Variants in PDHX observed in about 807,000 individuals in gnomAD.
PDHX encodes pyruvate dehydrogenase protein X component, mitochondrial.
Under a neutral mutation model 55.3 loss-of-function variants are expected in PDHX, and 33 were observed. The observed-to-expected ratio is 0.60, with a 90% confidence interval of 0.45 to 0.80. The LOEUF (loss-of-function observed/expected upper bound fraction) is 0.80, where lower values mean the gene tolerates loss of function less well. Ranked by LOEUF, PDHX falls within the 30% of genes least tolerant of loss-of-function variation. PDHX has a pLI of 0.00. For synonymous variants in PDHX, 226 were observed against 219.4 expected (o/e 1.03, Z -0.27); for missense variants, 622 against 619.9 (o/e 1.00, Z -0.04).
intron 3 of PDHX, among the ~76,000 whole-genome samples, chr11:34,951,374 T>C (rs1854765435): frequency 6.6e-6 from 1 of 152,170 alleles, no homozygotes; most frequent in African/African-American, 2.4e-5. Context: ...CCTGACTTTT[T>C]AATGATCGCC....
At chr11:34,932,649 A>C (rs1452721810) in intron 2 of PDHX, among the ~76,000 whole-genome samples, 2 of 152,212 alleles carry the variant, frequency 1.3e-5, no homozygotes, top group African/African-American at 2.4e-5. Context: ...GAAATGCTAA[A>C]TGGTGTAAAT....
intron 3 of PDHX, among the ~76,000 whole-genome samples, chr11:34,950,410 A>G (rs1182918849): frequency 6.6e-6 from 1 of 150,614 alleles, no homozygotes; most frequent in Non-Finnish European, 1.5e-5. Context: ...GTTTTATGGT[A>G]CATGTGCACA....
chr11:34,941,292 C>T (rs976322463), intron 2 of PDHX, among the ~76,000 whole-genome samples: 3 of 152,146 alleles, frequency 2.0e-5, no homozygotes, highest in African/African-American at 7.2e-5. Context: ...CTCTACATTC[C>T]CATTCTGCTG....
intron 9 of PDHX, among the ~76,000 whole-genome samples, chr11:34,991,918 A>C (rs935148042): frequency 7.3e-5 from 11 of 151,534 alleles, no homozygotes; most frequent in Non-Finnish European, 1.3e-4. Flanking sequence ...AAAAAAAAAA[A>C]AAAAAAAAAA....
At chr11:34,978,941 G>A (rs75229690) in intron 8 of PDHX, among the ~76,000 whole-genome samples, 1,574 of 152,230 alleles carry the variant, frequency 0.01, 26 homozygotes, top group African/African-American at 0.036. Flanking sequence ...AGGAGAGGCT[G>A]CCCTGGGTGC....
chr11:34,981,130 C>G (rs555017799), intron 8 of PDHX, among the ~76,000 whole-genome samples: 2 of 152,180 alleles, frequency 1.3e-5, no homozygotes, highest in African/African-American at 4.8e-5. Flanking sequence ...GGTATATCTC[C>G]AAATGCTGTC....
At chr11:34,922,665 A>AG (rs1853914106) in intron 1 of PDHX, among the ~76,000 whole-genome samples, 1 of 152,026 alleles carries the variant, frequency 6.6e-6, no homozygotes, top group Admixed American at 6.6e-5. Context: ...GTGACAGCCT[A>AG]TCATTTTAGA....
chr11:34,959,367 G>A (rs1435026218), intron 4 of PDHX, among the ~76,000 whole-genome samples: 1 of 151,066 alleles, frequency 6.6e-6, no homozygotes, highest in African/African-American at 2.4e-5. Flanking sequence ...ACCACAATGA[G>A]ACACCCCTTC....
At chr11:34,980,857 C>A (rs1291385670) in intron 8 of PDHX, among the ~76,000 whole-genome samples, 2 of 152,058 alleles carry the variant, frequency 1.3e-5, no homozygotes, top group Non-Finnish European at 2.9e-5. Context: ...AGGCCTGGAT[C>A]TTTTTCTTTA....
chr11:34,936,805 TC>T (rs869139560), intron 2 of PDHX, among the ~76,000 whole-genome samples: 97 of 127,822 alleles, frequency 7.6e-4, no homozygotes, highest in Non-Finnish European at 1.2e-3. Context: ...TTTTTTTTTT[TC>T]TGAGACAGAG....
At chr11:34,957,672 C>T (rs552261307) in intron 4 of PDHX, 89 bp downstream of exon 4, 73 of 1,026,464 alleles carry the variant, frequency 7.1e-5, no homozygotes, top group Non-Finnish European at 9.9e-5. Flanking sequence ...ATTCGCACAT[C>T]GTTGTACATC....
chr11:34,927,937 T>C (rs1854062047), intron 1 of PDHX, among the ~76,000 whole-genome samples: 1 of 152,150 alleles, frequency 6.6e-6, no homozygotes, highest in African/African-American at 2.4e-5. Flanking sequence ...TCAATTCATT[T>C]CATGAAGGGT....
chr11:34,935,665 T>G (rs1013861064), intron 2 of PDHX, among the ~76,000 whole-genome samples: 2 of 152,124 alleles, frequency 1.3e-5, no homozygotes, highest in African/African-American at 4.8e-5. Flanking sequence ...ACAGTACCTA[T>G]TAGGGATTGT....
At chr11:34,957,685 G>C in intron 4 of PDHX, 102 bp downstream of exon 4, 1 of 942,762 alleles carries the variant, frequency 1.1e-6, no homozygotes, top group African/African-American at 1.7e-5. Flanking sequence ...TGTACATCAC[G>C]TAGGAAGTTG....
intron 2 of PDHX, among the ~76,000 whole-genome samples, chr11:34,942,715 G>T (rs905943048): frequency 7.9e-5 from 12 of 152,138 alleles, no homozygotes; most frequent in African/African-American, 2.9e-4. Flanking sequence ...TGAGTTAGGG[G>T]TAATGCTTCC....
At chr11:34,927,395 A>C (rs1854050796) in intron 1 of PDHX, among the ~76,000 whole-genome samples, 2 of 152,128 alleles carry the variant, frequency 1.3e-5, no homozygotes, top group Non-Finnish European at 2.9e-5. Context: ...TAGAATGTAC[A>C]GCTTACTGGA....
At chr11:34,918,215 T>C (rs893462651) in intron 1 of PDHX, among the ~76,000 whole-genome samples, 7 of 151,438 alleles carry the variant, frequency 4.6e-5, no homozygotes, top group Non-Finnish European at 8.8e-5. Context: ...AGCTGGAAGA[T>C]TGCTAGAGCC....
chr11:34,986,499 T>C (rs2134000228), intron 9 of PDHX, among the ~76,000 whole-genome samples: 1 of 152,302 alleles, frequency 6.6e-6, no homozygotes, highest in African/African-American at 2.4e-5. Flanking sequence ...CTGTAAAATA[T>C]AAAGTACTAT....
intron 4 of PDHX, among the ~76,000 whole-genome samples, chr11:34,959,721 A>G (rs1322569196): frequency 6.6e-6 from 1 of 152,176 alleles, no homozygotes; most frequent in Non-Finnish European, 1.5e-5. Context: ...AATGTGATTC[A>G]GCTTTTTAGG....
Sources: allele counts gnomAD v4.1 joint callset (sites outside exome capture counted in the v4.1 genomes callset), GRCh38; gene constraint gnomAD v4.1.1; transcripts MANE v1.5; gene names NCBI Gene and HGNC (gene_info 2026-07-23, HGNC 2026-07-21).